The following SCGB2B2 variants were observed in gnomAD, a reference collection of about 807,000 sequenced individuals.
The protein encoded by SCGB2B2 is secretoglobin family 2B member 2, also known as secretoglobin-like protein.
A neutral mutation model predicts 7.6 loss-of-function variants in SCGB2B2; 11 were observed. The ratio of observed to expected loss-of-function variants is 1.45; its 90% CI spans 0.91 to 2.40. The LOEUF (loss-of-function observed/expected upper bound fraction) is 2.40, where lower values mean the gene tolerates loss of function less well. SCGB2B2 is among the 30% of genes most tolerant of loss of function. The probability of loss-of-function intolerance (pLI) is 0.00; values close to 1 mark genes in which losing one functional copy is unlikely to be tolerated. For missense variants in SCGB2B2, 104 were observed against 115.4 expected, an observed-to-expected ratio of 0.90 and a Z score of 0.45; for synonymous variants, 50 against 48.6, an observed-to-expected ratio of 1.03 and a Z score of -0.12.
chr19:34,594,349 G>A lies in SCGB2B2; in HGVS notation c.72C>T (p.Cys24=), dbSNP rs1439593062. The change falls in exon 3 of 4, where the codon TGC becomes TGT. Residue 24 remains cysteine (C), a synonymous_variant. Transcript: ENST00000601241. ...LICSVQLGDA[C]LDIDKLLANV... is the part of the protein sequence containing the mutation. ...TCGCAAGCAGTTTATCGATATCCAGGCAGGCATCCCCTGTGGAGGATGAGG... is the reference window on the plus strand; with the variant it reads ...TCGCAAGCAGTTTATCGATATCCAGACAGGCATCCCCTGTGGAGGATGAGG... The A allele has an allele frequency of 1.2e-6, 2 of 1,613,918 alleles. No individual in the cohort carries two copies. Among genetic ancestry groups the A allele is most frequent in the East Asian group, 2.2e-5 (1 of 44,858 alleles).
chr19:34,612,503 ATTC>A (rs1451690019), intron 1 of SCGB2B2, among the ~76,000 whole-genome samples: 3 of 152,226 alleles, frequency 2.0e-5, no homozygotes, highest in Non-Finnish European at 4.4e-5. Flanking sequence ...ACCCAATCAT[ATTC>A]TTTTCATCAT....
At chr19:34,640,031 C>T (rs543229348) in intron 1 of SCGB2B2, among the ~76,000 whole-genome samples, 14 of 152,212 alleles carry the variant, frequency 9.2e-5, no homozygotes, top group African/African-American at 2.6e-4. Context: ...CCAACCAAAC[C>T]TTCCAGTGGT....
rs374473613 is a variant in SCGB2B2 at position 34,614,025 on chromosome 19, A to G, written c.-2031-17431T>C. Among the ~76,000 whole-genome samples the G allele has an allele frequency of 2.5e-4, 38 of 152,292 alleles. No homozygotes were observed. In the East Asian group the frequency reaches 3.5e-3, roughly 14 times the overall value. Reference sequence around the variant, plus strand: ...TGGCAATTTCTTTATATGTGACTTGACGCTTTTGCTGTTTTTAGAATTCTC... The same window carrying G: ...TGGCAATTTCTTTATATGTGACTTGGCGCTTTTGCTGTTTTTAGAATTCTC... On this transcript the variant is annotated intron_variant, in intron 1 of 3. Coordinates refer to ENST00000601241, the MANE Select transcript of SCGB2B2 (RefSeq NM_001025591.4).
chr19:34,642,283 A>T (rs536486799), intron 1 of SCGB2B2, among the ~76,000 whole-genome samples: 6 of 152,318 alleles, frequency 3.9e-5, no homozygotes, highest in African/African-American at 1.4e-4. Flanking sequence ...TACCCACAGG[A>T]GAGCCCCTCC....
intron 1 of SCGB2B2, among the ~76,000 whole-genome samples, chr19:34,607,102 C>T (rs2065802532): frequency 6.6e-6 from 1 of 152,232 alleles, no homozygotes; most frequent in African/African-American, 2.4e-5. Context: ...TCTGTGAGTT[C>T]AGTCATTTTA....
In SCGB2B2 at chr19:34,663,612, A is replaced by G. The variant is rs574029602; in HGVS notation, c.-2032+12018T>C. Among the ~76,000 whole-genome samples, 5 of 152,310 alleles carry G rather than the reference A, an allele frequency of 3.3e-5. No homozygotes were observed. The South Asian group carries it at 1.0e-3, about 32-fold the overall frequency. On this transcript the variant is annotated intron_variant, in intron 1 of 3. Coordinates refer to ENST00000601241, the MANE Select transcript of SCGB2B2 (RefSeq NM_001025591.4). ...AGGCAGTGAGGCTGGTGCCGGGAGGAGCTCACCATGACCTTTCTTCAACTG... is the reference window on the plus strand; with the variant it reads ...AGGCAGTGAGGCTGGTGCCGGGAGGGGCTCACCATGACCTTTCTTCAACTG...
chr19:34,609,346 TTTC>T (rs2065869972), intron 1 of SCGB2B2, among the ~76,000 whole-genome samples: 1 of 152,078 alleles, frequency 6.6e-6, no homozygotes, highest in Admixed American at 6.5e-5. Flanking sequence ...CTGTTTATTT[TTTC>T]TTTTTTTGTT....
downstream of SCGB2B2, among the ~76,000 whole-genome samples, chr19:34,586,715 A>G (rs2065196239): frequency 6.6e-6 from 1 of 152,172 alleles, no homozygotes. Flanking sequence ...GATGTCTGGA[A>G]TCTCAAGCAC....
Position 34,637,505 on chromosome 19 carries a change from GC to G in SCGB2B2, c.-2032+38124del, listed in dbSNP as rs2066716623. On this transcript the variant is annotated intron_variant, in intron 1 of 3. Coordinates refer to ENST00000601241, the MANE Select transcript of SCGB2B2 (RefSeq NM_001025591.4). The stretch of plus-strand genomic sequence containing the variant: ...GAGGCCACAAGTGCAAAGTTCTCCA[GC>G]ATCACATCGCAGACAGACACCGGGT... Among the ~76,000 whole-genome samples, 5 of 152,116 alleles carry G rather than the reference GC, an allele frequency of 3.3e-5. No homozygotes were observed. The South Asian group carries it at 1.0e-3, about 32-fold the overall frequency.
chr19:34,617,705 A>G (rs1239686064), intron 1 of SCGB2B2, among the ~76,000 whole-genome samples: 2 of 152,218 alleles, frequency 1.3e-5, no homozygotes, highest in Non-Finnish European at 2.9e-5. Context: ...TGCCCTGGCT[A>G]GAACTTCCAA....
In SCGB2B2 at chr19:34,595,190, C is replaced by T. The variant is rs1009228789; in HGVS notation, c.-627G>A. ...ATGTTGGGGACCAGCCTCAACACTACCCGTAGGGTACCCGAAGTCTGGTGG... is the reference window on the plus strand; with the variant it reads ...ATGTTGGGGACCAGCCTCAACACTATCCGTAGGGTACCCGAAGTCTGGTGG... On this transcript the variant is annotated 5_prime_UTR_variant, in exon 2 of 4. Coordinates refer to ENST00000601241, the MANE Select transcript of SCGB2B2 (RefSeq NM_001025591.4). 2 of 152,578 alleles carry T rather than the reference C, an allele frequency of 1.3e-5. No individual in the cohort carries two copies. Among genetic ancestry groups the T allele is most frequent in the South Asian group, 2.1e-4 (1 of 4,838 alleles). 9.5% of individuals were successfully genotyped at this position (152,578 alleles called of 1,614,324 possible).
intron 1 of SCGB2B2, chr19:34,608,672 T>TATATATATATATATATA (rs2065847187): frequency 1.7e-5 from 1 of 58,812 alleles, no homozygotes; most frequent in African/African-American, 4.5e-5. Context: ...TATATATATA[T>TATATATATATATATATA]ATATATATAT....
chr19:34,604,249 A>G (rs11672672), intron 1 of SCGB2B2, among the ~76,000 whole-genome samples: 48,141 of 152,066 alleles, frequency 0.32, 8,461 homozygotes, highest in Middle Eastern at 0.48. Flanking sequence ...GATTTGGACA[A>G]TGGGATGTTA....
chr19:34,617,252 T>C (rs1437936972), intron 1 of SCGB2B2, among the ~76,000 whole-genome samples: 2 of 151,692 alleles, frequency 1.3e-5, no homozygotes, highest in Admixed American at 6.6e-5. Context: ...GAGGATGGCA[T>C]TGAATCTGTA....
chr19:34,606,708 T>G (rs527621563), intron 1 of SCGB2B2, among the ~76,000 whole-genome samples: 1 of 152,264 alleles, frequency 6.6e-6, no homozygotes, highest in Non-Finnish European at 1.5e-5. Context: ...TTTATATAAC[T>G]TTTATTACAG....
At chr19:34,670,855 G>T (rs1213953434) in intron 1 of SCGB2B2, among the ~76,000 whole-genome samples, 1 of 152,198 alleles carries the variant, frequency 6.6e-6, no homozygotes, top group African/African-American at 2.4e-5. Flanking sequence ...ATATATTCAG[G>T]TTTATAATCC....
chr19:34,625,380 G>A (rs2066343735), intron 1 of SCGB2B2, among the ~76,000 whole-genome samples: 2 of 152,322 alleles, frequency 1.3e-5, no homozygotes, highest in Admixed American at 1.3e-4. Flanking sequence ...TCAAAGAAAG[G>A]GGTGACAGAC....
In SCGB2B2 at chr19:34,594,157, C is replaced by T. The variant is rs537656704; in HGVS notation, c.246+18G>A. 33 of 1,599,500 alleles carry T rather than the reference C, an allele frequency of 2.1e-5. No homozygotes were observed. In the South Asian group the frequency reaches 3.2e-4, roughly 16 times the overall value. ...GTGTGGCCATGTAGTGTGTGCAGGT[C>T]CCCCCGGGCACACTCACAATAACAA... On this transcript the variant is annotated intron_variant, in intron 3 of 3. Transcript: ENST00000601241.
intron 1 of SCGB2B2, among the ~76,000 whole-genome samples, chr19:34,665,784 A>T (rs2067600579): frequency 6.6e-6 from 1 of 152,024 alleles, no homozygotes; most frequent in African/African-American, 2.4e-5. Context: ...GGTCAGAGCC[A>T]CAGGCCCAGC....
Sources: allele counts gnomAD v4.1 joint callset (sites outside exome capture counted in the v4.1 genomes callset), GRCh38; gene constraint gnomAD v4.1.1; transcripts MANE v1.5; gene names NCBI Gene and HGNC (gene_info 2026-07-23, HGNC 2026-07-21).